ZMYND11: variants seen among roughly 807,000 people sequenced by gnomAD.
ZMYND11 encodes zinc finger MYND domain-containing protein 11.
In ZMYND11, 9 loss-of-function variants were observed where a neutral mutation model predicts 84.9. The observed-to-expected ratio is 0.11, with a 90% confidence interval of 0.06 to 0.18. The LOEUF is 0.18. Among genes scored for constraint, ZMYND11 ranks in the 10% least tolerant of loss-of-function variants. The pLI is 1.00. For synonymous variants in ZMYND11, 250 were observed against 244.1 expected (o/e 1.02, Z -0.23); for missense variants, 409 against 761.0 (o/e 0.54, Z 5.44).
chr10:186,826 G>T (rs1237605144), intron 2 of ZMYND11, among the ~76,000 whole-genome samples: 3 of 152,052 alleles, frequency 2.0e-5, no homozygotes, highest in African/African-American at 7.2e-5. Flanking sequence ...CCATCTAATT[G>T]TGATGGTATT....
chr10:235,092 T>G (rs1314834273), intron 4 of ZMYND11, among the ~76,000 whole-genome samples: 1 of 152,070 alleles, frequency 6.6e-6, no homozygotes, highest in Non-Finnish European at 1.5e-5. Flanking sequence ...ATTTCGCCAT[T>G]GCACGTATTT....
intron 2 of ZMYND11, among the ~76,000 whole-genome samples, chr10:191,536 T>C (rs1340689368): frequency 6.6e-6 from 1 of 152,230 alleles, no homozygotes; most frequent in Non-Finnish European, 1.5e-5. Flanking sequence ...TGCTTCAGGA[T>C]GTATTCTGAA....
Position 240,117 on chromosome 10 carries a change from AT to A in ZMYND11, c.753+8del, listed in dbSNP as rs1564445210. ...ATAAAGACACATGTCATGAGGTACT[AT>A]TCATTGCCCAATAGTTATACTCTTT... On this transcript the variant is annotated splice_region_variant and intron_variant, in intron 8 of 14. Coordinates refer to ENST00000381604, the MANE Select transcript of ZMYND11 (RefSeq NM_001370100.5). The A allele has an allele frequency of 6.2e-7, 1 of 1,603,530 alleles. No individual in the cohort carries two copies. The highest frequency in any genetic ancestry group is 8.5e-7 in the Non-Finnish European group (1 of 1,173,458).
chr10:170,528 T>C (rs1845078899), intron 1 of ZMYND11, among the ~76,000 whole-genome samples: 1 of 151,842 alleles, frequency 6.6e-6, no homozygotes, highest in East Asian at 1.9e-4. Flanking sequence ...GTAAGTGAAA[T>C]GGCACAAGGG....
intron 2 of ZMYND11, among the ~76,000 whole-genome samples, chr10:198,300 A>G (rs557340068): frequency 1.3e-5 from 2 of 152,276 alleles, no homozygotes; most frequent in East Asian, 3.9e-4. Flanking sequence ...CAGTTTAAAT[A>G]TGGTCACTGC....
intron 1 of ZMYND11, among the ~76,000 whole-genome samples, chr10:136,339 G>C (rs1334948638): frequency 6.6e-6 from 1 of 152,204 alleles, no homozygotes; most frequent in African/African-American, 2.4e-5. Context: ...GCCGTGCCCG[G>C]TGTCTTTTGC....
intron 1 of ZMYND11, among the ~76,000 whole-genome samples, chr10:151,393 A>G (rs577866187): frequency 2.0e-5 from 3 of 152,216 alleles, no homozygotes; most frequent in South Asian, 2.1e-4. Flanking sequence ...GCTGAAAACC[A>G]TCGCATGAGA....
chr10:185,454 A>G (rs1176705956), intron 2 of ZMYND11, among the ~76,000 whole-genome samples: 2 of 147,694 alleles, frequency 1.4e-5, no homozygotes, highest in African/African-American at 5.0e-5. Context: ...TGTTACCGTC[A>G]TAATCATCCC....
chr10:179,150 A>G (rs777304625), intron 1 of ZMYND11, among the ~76,000 whole-genome samples: 4 of 152,138 alleles, frequency 2.6e-5, no homozygotes, highest in Admixed American at 2.0e-4. Context: ...ATTCATGACA[A>G]ACGCTTACCA....
At chr10:158,987 T>TTTG (rs1554760466) in intron 1 of ZMYND11, among the ~76,000 whole-genome samples, 2 of 134,328 alleles carry the variant, frequency 1.5e-5, no homozygotes, top group South Asian at 2.4e-4. Flanking sequence ...GTTTTTTGTT[T>TTTG]TTTGTTTTTT....
In ZMYND11 at chr10:253,813, T is replaced by C. The variant is rs1953929344; in HGVS notation, c.*1343T>C. 1 of 152,668 alleles carries C rather than the reference T, an allele frequency of 6.6e-6. No homozygotes were observed. Among genetic ancestry groups the C allele is most frequent in the African/African-American group, 2.4e-5 (1 of 41,458 alleles). 9.5% of individuals were successfully genotyped at this position (152,668 alleles called of 1,614,324 possible). A position where few individuals can be genotyped will look rare whatever the true frequency, so the allele number is the denominator to read the frequency against. On this transcript the variant is annotated 3_prime_UTR_variant, in exon 15 of 15. Coordinates refer to ENST00000381604, the MANE Select transcript of ZMYND11 (RefSeq NM_001370100.5). Reference sequence around the variant, plus strand: ...TATTTATTAAAGCAATTACTCACAATGGAAGTGAAAGAATCAGGAGAAAAG... The same window carrying C: ...TATTTATTAAAGCAATTACTCACAACGGAAGTGAAAGAATCAGGAGAAAAG...
In ZMYND11 at chr10:248,419, A is replaced by C. The variant is rs1952628812; in HGVS notation, c.1311A>C (p.Ser437=). 1 of 1,614,220 alleles carries C rather than the reference A, an allele frequency of 6.2e-7. No homozygotes were observed. Among genetic ancestry groups the C allele is most frequent in the Non-Finnish European group, 8.5e-7 (1 of 1,180,046 alleles). ...MPQPIEKVSV[S]TQTKKLSASS... is the part of the protein sequence containing the mutation. ...AGCCCATCGAAAAAGTCTCCGTGTC[A>C]ACTCAGACAAAGAAGTTAAGTGCCT... Residue 437 remains serine, a synonymous_variant, in exon 13 of 15, where the codon TCA becomes TCC. Coordinates refer to ENST00000381604, the MANE Select transcript of ZMYND11 (RefSeq NM_001370100.5).
In ZMYND11 at chr10:237,678, G is replaced by A. The variant is rs1355321015; in HGVS notation, c.609+1G>A. ...TGTGGACGTTCCCACCATTCAAGAG[G>A]TAAAGTCGGTTTCTTTTATTTCCAC... On this transcript the variant is annotated splice_donor_variant, in intron 6 of 14. Coordinates refer to ENST00000381604, the MANE Select transcript of ZMYND11 (RefSeq NM_001370100.5). LOFTEE classifies it high-confidence loss of function. The A allele has an allele frequency of 6.2e-7, 1 of 1,601,714 alleles. No homozygotes were observed.
intron 3 of ZMYND11, among the ~76,000 whole-genome samples, chr10:211,923 C>T (rs969230611): frequency 2.6e-5 from 4 of 152,006 alleles, no homozygotes; most frequent in African/African-American, 9.7e-5. Flanking sequence ...ATTGTTGATA[C>T]CTTATTATAT....
chr10:248,595 A>C lies in ZMYND11; in HGVS notation c.1487A>C (p.Glu496Ala), dbSNP rs768123685. The change falls in exon 13 of 15, where the codon GAA (glutamate) becomes GCA (alanine). Residue 496 changes from glutamate (E) to alanine (A), a missense_variant. Transcript: ENST00000381604. ...CGGGAGACAGAGCGTGTTGTCCGAG[A>C]AGCTCTGGAGAAGGTAATGCTTGTC... is the stretch of plus-strand genomic sequence containing the variant. ...HKRETERVVR[E>A]ALEKLRSEME... 2 of 1,607,914 alleles carry C rather than the reference A, an allele frequency of 1.2e-6. No homozygotes were observed. The highest frequency in any genetic ancestry group is 1.7e-6 in the Non-Finnish European group (2 of 1,178,034).
At chr10:203,835 C>T (rs190570249) in intron 2 of ZMYND11, among the ~76,000 whole-genome samples, 5 of 152,212 alleles carry the variant, frequency 3.3e-5, no homozygotes, top group African/African-American at 9.6e-5. Context: ...CTCTTTTGTG[C>T]ACATCAGTTA....
At chr10:173,731 T>G (rs1845921364) in intron 1 of ZMYND11, among the ~76,000 whole-genome samples, 1 of 151,920 alleles carries the variant, frequency 6.6e-6, no homozygotes, top group African/African-American at 2.4e-5. Context: ...AAAAAAAAAT[T>G]TTTTTAAGGG....
chr10:251,427 C>G (rs1221056846), intron 14 of ZMYND11, among the ~76,000 whole-genome samples: 2 of 152,150 alleles, frequency 1.3e-5, no homozygotes, highest in Admixed American at 1.3e-4. Flanking sequence ...ACACAATACA[C>G]AGGAAGGAAA....
At chr10:228,284 A>G (rs2448377) in intron 4 of ZMYND11, among the ~76,000 whole-genome samples, 140,515 of 152,282 alleles carry the variant, frequency 0.92, 65,219 homozygotes, top group Non-Finnish European at 0.97. Context: ...TGACTGTGAA[A>G]TGTTTTGTAT....
Sources: allele counts gnomAD v4.1 joint callset (sites outside exome capture counted in the v4.1 genomes callset), GRCh38; gene constraint gnomAD v4.1.1; transcripts MANE v1.5; gene names NCBI Gene and HGNC (gene_info 2026-07-23, HGNC 2026-07-21).